Variants in CCDC138 observed in about 807,000 individuals in gnomAD.
CCDC138 encodes coiled-coil domain-containing protein 138.
CCDC138 carries 66 observed loss-of-function variants against 82.3 expected under a neutral mutation model. That is an observed-to-expected ratio of 0.80 (90% CI 0.66 to 0.98). The LOEUF is 0.98. Ranked by LOEUF, CCDC138 falls within the 50% of genes least tolerant of loss-of-function variation. The pLI, the probability that CCDC138 is intolerant of heterozygous loss-of-function variation, is 0.00. For synonymous variants in CCDC138, 297 were observed against 265.4 expected, an observed-to-expected ratio of 1.12 and a Z score of -1.16; for missense variants, 816 against 758.9, an observed-to-expected ratio of 1.08 and a Z score of -0.88.
At chr2:108,842,530 G>A (rs1173708678) in intron 11 of CCDC138, among the ~76,000 whole-genome samples, 1 of 152,044 alleles carries the variant, frequency 6.6e-6, no homozygotes, top group Non-Finnish European at 1.5e-5. Flanking sequence ...TGTTTGTTGA[G>A]TTTAAAGCAA....
At chr2:108,806,189 AG>A (rs1682852223) in intron 7 of CCDC138, among the ~76,000 whole-genome samples, 1 of 152,182 alleles carries the variant, frequency 6.6e-6, no homozygotes, top group African/African-American at 2.4e-5. Context: ...TGAATTTGAC[AG>A]CCTGTTGTCT....
intron 6 of CCDC138, among the ~76,000 whole-genome samples, chr2:108,803,134 A>G (rs1682233035): frequency 6.6e-6 from 1 of 152,180 alleles, no homozygotes; most frequent in African/African-American, 2.4e-5. Flanking sequence ...TGTGCAGGTA[A>G]AGAGGCATTA....
intron 13 of CCDC138, among the ~76,000 whole-genome samples, chr2:108,872,351 A>G (rs147862059): frequency 2.0e-4 from 30 of 152,192 alleles, no homozygotes; most frequent in African/African-American, 6.3e-4. Flanking sequence ...CACCACATAC[A>G]CATACCTCGG....
chr2:108,826,270 C>A (rs1686579627), intron 10 of CCDC138, among the ~76,000 whole-genome samples: 1 of 151,972 alleles, frequency 6.6e-6, no homozygotes, highest in Non-Finnish European at 1.5e-5. Flanking sequence ...TTATAAAGTC[C>A]AATTTATGCT....
chr2:108,851,916 C>T (rs576997550), intron 12 of CCDC138, among the ~76,000 whole-genome samples: 1 of 152,264 alleles, frequency 6.6e-6, no homozygotes, highest in Admixed American at 6.5e-5. Context: ...ATGAGGTTTA[C>T]AAAGGTAGAT....
chr2:108,845,826 G>A (rs982842094), intron 11 of CCDC138, among the ~76,000 whole-genome samples: 5 of 151,942 alleles, frequency 3.3e-5, no homozygotes, highest in African/African-American at 7.3e-5. Flanking sequence ...CTGCCTCGGC[G>A]TCCCAAAGTG....
intron 10 of CCDC138, among the ~76,000 whole-genome samples, chr2:108,824,133 A>G (rs1443739868): frequency 6.7e-6 from 1 of 150,086 alleles, no homozygotes; most frequent in Non-Finnish European, 1.5e-5. Context: ...TTTTATAAAC[A>G]GTATGCACTT....
At chr2:108,852,263 C>A (rs188180592) in intron 12 of CCDC138, among the ~76,000 whole-genome samples, 28 of 152,270 alleles carry the variant, frequency 1.8e-4, no homozygotes, top group Admixed American at 1.5e-3. Context: ...AGATACAACT[C>A]TTCTTTATGG....
At chr2:108,850,641 C>T (rs543621085) in intron 12 of CCDC138, among the ~76,000 whole-genome samples, 15 of 152,056 alleles carry the variant, frequency 9.9e-5, no homozygotes, top group Admixed American at 5.2e-4. Flanking sequence ...TTAGTAGACA[C>T]GGGGTTTCAC....
At chr2:108,805,724 CAAA>C (rs752120147) in intron 7 of CCDC138, among the ~76,000 whole-genome samples, 1 of 135,358 alleles carries the variant, frequency 7.4e-6, no homozygotes, top group Non-Finnish European at 1.6e-5. Context: ...GAGACTGTCT[CAAA>C]AAAAAAAAAA....
At chr2:108,829,483 T>C (rs1687182172) in intron 10 of CCDC138, among the ~76,000 whole-genome samples, 2 of 152,194 alleles carry the variant, frequency 1.3e-5, no homozygotes, top group South Asian at 4.1e-4. Context: ...TGGTGGCCCA[T>C]GCCTGTAATG....
At chr2:108,834,210 T>C (rs142389995) in intron 10 of CCDC138, among the ~76,000 whole-genome samples, 1 of 150,112 alleles carries the variant, frequency 6.7e-6, no homozygotes, top group African/African-American at 2.5e-5. Flanking sequence ...ATTTCATCTT[T>C]GAAATTTTTT....
chr2:108,788,893 T>A lies in CCDC138; in HGVS notation c.193T>A (p.Leu65Ile). The A allele has an allele frequency of 6.2e-7, 1 of 1,614,054 alleles. No individual in the cohort carries two copies. Among genetic ancestry groups the A allele is most frequent in the Admixed American group, 1.7e-5 (1 of 60,026 alleles). Residue 65 changes from leucine (L) to isoleucine (I), a missense_variant, in exon 3 of 15, where the codon TTA becomes ATA. Leu to Ile is a conservative substitution (Grantham distance 5, BLOSUM62 2). Coordinates refer to ENST00000295124, the MANE Select transcript of CCDC138 (RefSeq NM_144978.3). ...CTCTGGAGATAAAGTTGGTTCATCG[T>A]TAAAATATTCTGATGAAAGCAAGCA... ...IYSGDKVGSSLKYSDESKHCR... is the reference protein window; with the variant it reads ...IYSGDKVGSSIKYSDESKHCR...
At chr2:108,873,418 C>A in intron 13 of CCDC138, 33 bp from the exon 14 acceptor site, 1 of 1,521,744 alleles carries the variant, frequency 6.6e-7, no homozygotes, top group Non-Finnish European at 8.8e-7. Flanking sequence ...TCGCTACTCC[C>A]TAATAGTAAA....
At chr2:108,790,959 A>C (rs559808477) in intron 3 of CCDC138, among the ~76,000 whole-genome samples, 1 of 152,014 alleles carries the variant, frequency 6.6e-6, no homozygotes, top group South Asian at 2.1e-4. Flanking sequence ...ACAGAGTCTC[A>C]CTGTGTTGTC....
At position 108,786,897 on chromosome 2, in the gene CCDC138, G is replaced by A; in HGVS notation, c.75G>A (p.Gly25=). 6.4e-7 allele frequency: 1 copy of A among 1,554,728 alleles called. No homozygotes were observed. The highest frequency in any genetic ancestry group is 1.4e-5 in the African/African-American group (1 of 70,998). Residue 25 remains glycine (G), a synonymous_variant, in exon 1 of 15, where the codon GGG becomes GGA. Transcript: ENST00000295124. ...VESLKSRYGL[G]GSCPDEYDFS... ...GTCTCAAAAGCCGCTACGGACTCGGGGGCAGCTGCCCCGACGAGGTGAAGC... is the reference window on the plus strand; with the variant it reads ...GTCTCAAAAGCCGCTACGGACTCGGAGGCAGCTGCCCCGACGAGGTGAAGC...
In CCDC138 at chr2:108,876,201, T is replaced by A. The variant is rs1200788256; in HGVS notation, c.1946T>A (p.Phe649Tyr). 4 of 1,613,284 alleles carry A rather than the reference T, an allele frequency of 2.5e-6. No individual in the cohort carries two copies. The highest frequency in any genetic ancestry group is 3.4e-6 in the Non-Finnish European group (4 of 1,179,630). ...TGTATTAATCTAAATTCAACTCTGT[T>A]CAATCTGGGTTTAACAAAATGTAAC... ...FLCINLNSTLFNLGLTKCNSL... is the reference protein window; with the variant it reads ...FLCINLNSTLYNLGLTKCNSL... Residue 649 changes from phenylalanine (F) to tyrosine (Y), a missense_variant, in exon 15 of 15, where the codon TTC becomes TAC. Transcript: ENST00000295124.
intron 11 of CCDC138, among the ~76,000 whole-genome samples, chr2:108,840,737 CTG>C (rs1689316311): frequency 6.6e-6 from 1 of 151,992 alleles, no homozygotes; most frequent in Non-Finnish European, 1.5e-5. Flanking sequence ...AGAAGTTTCT[CTG>C]TTTCTCCATT....
chr2:108,848,318 G>GT (rs1690841211), intron 12 of CCDC138, among the ~76,000 whole-genome samples: 1 of 152,166 alleles, frequency 6.6e-6, no homozygotes, highest in South Asian at 2.1e-4. Flanking sequence ...CACCACTTGT[G>GT]TGCAGCAGTT....
Sources: gnomAD v4.1 joint callset for allele counts (sites outside exome capture counted in the v4.1 genomes callset) on GRCh38, gnomAD v4.1.1 for gene constraint, MANE v1.5 for transcripts, NCBI Gene and HGNC (gene_info 2026-07-23, HGNC 2026-07-21) for gene names.